Variants in MTPN observed in about 807,000 individuals in gnomAD.
MTPN encodes myotrophin.
In MTPN, 2 loss-of-function variants were observed where a neutral mutation model predicts 13.5. That is an observed-to-expected ratio of 0.15 (90% CI 0.06 to 0.47). MTPN has a LOEUF of 0.47. Among genes scored for constraint, MTPN ranks in the 20% least tolerant of loss-of-function variants. The probability of loss-of-function intolerance (pLI) is 0.97; values close to 1 mark genes in which losing one functional copy is unlikely to be tolerated. For synonymous variants in MTPN, 46 were observed against 51.7 expected, an observed-to-expected ratio of 0.89 and a Z score of 0.48; for missense variants, 79 against 137.9, an observed-to-expected ratio of 0.57 and a Z score of 2.14.
chr7:135,954,056 CTT>C (rs1272014768), intron 1 of MTPN, among the ~76,000 whole-genome samples: 4 of 152,160 alleles, frequency 2.6e-5, no homozygotes, highest in Non-Finnish European at 5.9e-5. Flanking sequence ...AACTCTACCA[CTT>C]AGTTGTGGGA....
At chr7:135,930,350 A>T (rs1349737062) in intron 3 of MTPN, among the ~76,000 whole-genome samples, 4 of 152,204 alleles carry the variant, frequency 2.6e-5, no homozygotes, top group Admixed American at 1.3e-4. Flanking sequence ...GTGCAGTATG[A>T]AACGGGGAAA....
chr7:135,943,503 C>G (rs67569137), intron 3 of MTPN, among the ~76,000 whole-genome samples: 10,854 of 152,186 alleles, frequency 0.071, 460 homozygotes, highest in African/African-American at 0.1. Context: ...TGTTACCAGA[C>G]AAGATGGTTT....
rs755499554 is a variant in MTPN at position 135,929,235 on chromosome 7, G to C, written c.*691C>G. On this transcript the variant is annotated 3_prime_UTR_variant, in exon 4 of 4. Transcript: ENST00000393085. ...TCTCCTTTAGACTTCCAAAACTTAA[G>C]ATTTTATAAATAAAACTAGTCAGTT... 2.4e-5 allele frequency: 4 copies of C among 166,948 alleles called. No homozygotes were observed. The highest frequency in any genetic ancestry group is 6.5e-5 in the Admixed American group (1 of 15,272). 10.3% of individuals were successfully genotyped at this position (166,948 alleles called of 1,614,324 possible). A position where few individuals can be genotyped will look rare whatever the true frequency, so the allele number is the denominator to read the frequency against.
intron 1 of MTPN, among the ~76,000 whole-genome samples, chr7:135,970,876 T>A (rs771837705): frequency 6.6e-6 from 1 of 152,132 alleles, no homozygotes; most frequent in Non-Finnish European, 1.5e-5. Context: ...TCTGAATAGG[T>A]CACCAGCCCT....
At chr7:135,944,321 T>C (rs1799256093) in intron 3 of MTPN, among the ~76,000 whole-genome samples, 1 of 152,132 alleles carries the variant, frequency 6.6e-6, no homozygotes, top group South Asian at 2.1e-4. Flanking sequence ...ATATGGAATT[T>C]TAATGAGTAT....
intron 1 of MTPN, among the ~76,000 whole-genome samples, chr7:135,954,141 A>G (rs1211296967): frequency 6.6e-6 from 1 of 152,218 alleles, no homozygotes; most frequent in African/African-American, 2.4e-5. Flanking sequence ...TACACTTCAC[A>G]GGGTTTCAGT....
intron 1 of MTPN, among the ~76,000 whole-genome samples, chr7:135,971,678 G>A (rs1188488957): frequency 1.3e-5 from 2 of 152,092 alleles, no homozygotes; most frequent in Non-Finnish European, 2.9e-5. Context: ...GCTTACTGTT[G>A]ATAAGTAAAT....
rs937046395 is a variant in MTPN, at chr7:135,977,341, G to A, written c.-241C>T. On this transcript the variant is annotated 5_prime_UTR_variant, in exon 1 of 4. Coordinates refer to ENST00000393085, the MANE Select transcript of MTPN (RefSeq NM_145808.4). ...GAGAGGTTCCGCCTGGCCGAGGAGA[G>A]GCAGGAACCTTTACACTTCCGGTTC... 5 of 562,030 alleles carry A rather than the reference G, an allele frequency of 8.9e-6. No homozygotes were observed. Among genetic ancestry groups the A allele is most frequent in the Admixed American group, 3.1e-5 (1 of 32,494 alleles). The allele number at this position is 562,030 out of a possible 1,614,324, so 34.8% of individuals were successfully genotyped here.
intron 1 of MTPN, among the ~76,000 whole-genome samples, chr7:135,966,113 T>C (rs1363937336): frequency 1.3e-5 from 2 of 152,100 alleles, no homozygotes; most frequent in South Asian, 2.1e-4. Context: ...ATATTAAAAG[T>C]AGCTCCCAGA....
intron 1 of MTPN, 103 bp downstream of exon 1, chr7:135,976,926 C>CAACCCCCCCCCCCCCA: frequency 1.5e-6 from 1 of 665,030 alleles, no homozygotes; most frequent in Non-Finnish European, 2.8e-6. Flanking sequence ...GAAGTCTCTC[C>CAACCCCCCCCCCCCCA]TCCCGCCCAC....
At chr7:135,944,213 T>A (rs987966959) in intron 3 of MTPN, among the ~76,000 whole-genome samples, 3 of 152,156 alleles carry the variant, frequency 2.0e-5, no homozygotes, top group Admixed American at 1.3e-4. Flanking sequence ...TTCCCCACAA[T>A]ACCCCATAGT....
chr7:135,957,457 GTCT>G (rs1307277329), intron 1 of MTPN, among the ~76,000 whole-genome samples: 1 of 151,968 alleles, frequency 6.6e-6, no homozygotes, highest in Non-Finnish European at 1.5e-5. Context: ...CTTCTCTTGA[GTCT>G]TCCTTGGTCC....
At chr7:135,943,698 A>G (rs1799246387) in intron 3 of MTPN, among the ~76,000 whole-genome samples, 1 of 152,230 alleles carries the variant, frequency 6.6e-6, no homozygotes, top group Admixed American at 6.5e-5. Flanking sequence ...TTAGCGCTGC[A>G]TAACCATCAG....
intron 1 of MTPN, among the ~76,000 whole-genome samples, chr7:135,968,457 C>T (rs1799639087): frequency 6.6e-6 from 1 of 151,818 alleles, no homozygotes; most frequent in African/African-American, 2.4e-5. Context: ...AATCAAGCTT[C>T]TAAGCTTATC....
intron 1 of MTPN, among the ~76,000 whole-genome samples, chr7:135,967,067 T>G (rs80136370): frequency 1.3e-5 from 2 of 152,074 alleles, no homozygotes; most frequent in Admixed American, 1.3e-4. Flanking sequence ...TATTTATAAA[T>G]GCACCTTGGT....
intron 3 of MTPN, among the ~76,000 whole-genome samples, chr7:135,935,216 T>TAAAC (rs1799096474): frequency 6.6e-6 from 1 of 151,964 alleles, no homozygotes; most frequent in African/African-American, 2.4e-5. Context: ...AGTTCAGGTA[T>TAAAC]AAACATTTGG....
intron 3 of MTPN, among the ~76,000 whole-genome samples, chr7:135,939,726 ACTCCAC>A (rs979409843): frequency 1.8e-4 from 28 of 151,526 alleles, no homozygotes; most frequent in Admixed American, 4.6e-4. Context: ...TCATGGCTAA[ACTCCAC>A]CTTTCTTAGG....
At chr7:135,958,194 C>T (rs1799472242) in intron 1 of MTPN, among the ~76,000 whole-genome samples, 2 of 151,908 alleles carry the variant, frequency 1.3e-5, no homozygotes, top group Non-Finnish European at 1.5e-5. Flanking sequence ...TACCTCTATT[C>T]GATCAGGTAT....
At chr7:135,976,792 G>A (rs1242688403) in intron 1 of MTPN, among the ~76,000 whole-genome samples, 1 of 152,020 alleles carries the variant, frequency 6.6e-6, no homozygotes, top group East Asian at 1.9e-4. Flanking sequence ...AGGAAGTCAG[G>A]TAGCGCCTAA....
Sources: allele counts gnomAD v4.1 joint callset (sites outside exome capture counted in the v4.1 genomes callset), GRCh38; gene constraint gnomAD v4.1.1; transcripts MANE v1.5; gene names NCBI Gene and HGNC (gene_info 2026-07-23, HGNC 2026-07-21).